Variants in BMPER observed in about 807,000 individuals in gnomAD.
The protein encoded by BMPER is BMP-binding endothelial regulator protein.
BMPER carries 45 observed loss-of-function variants against 87.3 expected under a neutral mutation model. The observed-to-expected ratio is 0.52, with a 90% CI of 0.41 to 0.66. BMPER has a LOEUF of 0.66. BMPER is among the 30% of genes least tolerant of loss of function. The pLI, the probability that BMPER is intolerant of heterozygous loss-of-function variation, is 0.00. For synonymous variants in BMPER, 326 were observed against 316.2 expected, an observed-to-expected ratio of 1.03 and a Z score of -0.33; for missense variants, 784 against 867.5, an observed-to-expected ratio of 0.90 and a Z score of 1.21.
chr7:34,055,087 T>G, intron 8 of BMPER, 76 bp from the exon 9 acceptor site: 1 of 1,596,576 alleles, frequency 6.3e-7, no homozygotes, highest in South Asian at 1.1e-5. Flanking sequence ...TTATGAGTTA[T>G]GAAAGGAAGG....
intron 2 of BMPER, among the ~76,000 whole-genome samples, chr7:33,921,087 C>CT (rs1784219190): frequency 1.3e-5 from 2 of 152,144 alleles, no homozygotes; most frequent in African/African-American, 4.8e-5. Context: ...ATATTGGTTA[C>CT]TTTTTTATTA....
intron 7 of BMPER, among the ~76,000 whole-genome samples, chr7:34,047,846 T>G (rs1432027910): frequency 2.4e-5 from 1 of 40,910 alleles, no homozygotes; most frequent in Non-Finnish European, 4.6e-5. Context: ...TTTCTTTCTC[T>G]TTCTATCATT....
chr7:33,961,404 T>C (rs369964030), intron 3 of BMPER, among the ~76,000 whole-genome samples: 1 of 152,212 alleles, frequency 6.6e-6, no homozygotes, highest in African/African-American at 2.4e-5. Context: ...CTATGCACCA[T>C]TGGTCATTGT....
chr7:34,113,426 T>C (rs1790032150), intron 13 of BMPER, among the ~76,000 whole-genome samples: 1 of 151,938 alleles, frequency 6.6e-6, no homozygotes, highest in Admixed American at 6.6e-5. Flanking sequence ...CTAGATTAAA[T>C]AAAAAATACA....
At chr7:33,932,804 GAAAAA>G (rs377548823) in intron 2 of BMPER, among the ~76,000 whole-genome samples, 2 of 149,638 alleles carry the variant, frequency 1.3e-5, no homozygotes, top group Non-Finnish European at 3.0e-5. Flanking sequence ...AAGAATCTTT[GAAAAA>G]AAAAATACGT....
intron 13 of BMPER, among the ~76,000 whole-genome samples, chr7:34,099,567 T>C (rs1392377114): frequency 6.6e-6 from 1 of 152,222 alleles, no homozygotes; most frequent in East Asian, 1.9e-4. Flanking sequence ...ATCCGCCTTT[T>C]AAGGAGAAAT....
chr7:34,108,814 C>T (rs1339838931), intron 13 of BMPER, among the ~76,000 whole-genome samples: 1 of 152,156 alleles, frequency 6.6e-6, no homozygotes, highest in Non-Finnish European at 1.5e-5. Context: ...TTGAATGTTC[C>T]TAAACATTAA....
chr7:34,041,142 G>A (rs770045986), intron 6 of BMPER, among the ~76,000 whole-genome samples: 24 of 152,164 alleles, frequency 1.6e-4, no homozygotes, highest in Non-Finnish European at 2.9e-4. Context: ...CAGCTTGGAT[G>A]TTAGAACTAA....
At chr7:33,949,261 A>G (rs1784963016) in intron 3 of BMPER, among the ~76,000 whole-genome samples, 2 of 152,142 alleles carry the variant, frequency 1.3e-5, no homozygotes, top group African/African-American at 4.8e-5. Context: ...GGCTGCATAC[A>G]ATATCTTAAA....
intron 14 of BMPER, among the ~76,000 whole-genome samples, chr7:34,148,920 G>A (rs78709343): frequency 3.9e-4 from 59 of 152,144 alleles, no homozygotes; most frequent in African/African-American, 1.4e-3. Context: ...GTTGAAAGAG[G>A]GCAAGGTGAG....
At chr7:34,081,695 C>T (rs1299985869) in intron 12 of BMPER, among the ~76,000 whole-genome samples, 1 of 152,236 alleles carries the variant, frequency 6.6e-6, no homozygotes, top group Non-Finnish European at 1.5e-5. Flanking sequence ...TACATCACAT[C>T]TACCTGAAAG....
chr7:34,000,053 AT>A (rs1174714085), intron 6 of BMPER, among the ~76,000 whole-genome samples: 1 of 152,212 alleles, frequency 6.6e-6, no homozygotes, highest in African/African-American at 2.4e-5. Context: ...CTACTAAAAA[AT>A]GGCCCATCTG....
At chr7:34,028,597 TTC>T (rs1364104820) in intron 6 of BMPER, among the ~76,000 whole-genome samples, 3 of 142,396 alleles carry the variant, frequency 2.1e-5, no homozygotes, top group Non-Finnish European at 4.5e-5. Context: ...AAATCATTTT[TTC>T]TGTTTTTTTT....
intron 14 of BMPER, among the ~76,000 whole-genome samples, chr7:34,147,002 C>G (rs188767778): frequency 6.6e-6 from 1 of 152,176 alleles, no homozygotes; most frequent in Admixed American, 6.5e-5. Context: ...AGCAGAATGT[C>G]TGCCACCTGC....
intron 2 of BMPER, among the ~76,000 whole-genome samples, chr7:33,917,549 A>T (rs1043194282): frequency 1.3e-5 from 2 of 152,122 alleles, no homozygotes; most frequent in African/African-American, 4.8e-5. Flanking sequence ...GATGGGTGGC[A>T]TCTTCACTGA....
At chr7:34,151,008 G>T in intron 14 of BMPER, among the ~76,000 whole-genome samples, 1 of 152,150 alleles carries the variant, frequency 6.6e-6, no homozygotes, top group East Asian at 1.9e-4. Flanking sequence ...CAGTTGGAAA[G>T]GTTGGGAACT....
At chr7:34,114,035 C>T (rs571135422) in intron 13 of BMPER, among the ~76,000 whole-genome samples, 1 of 152,174 alleles carries the variant, frequency 6.6e-6, no homozygotes, top group Non-Finnish European at 1.5e-5. Context: ...TGCCTTTCTG[C>T]TTTTAATCTA....
At chr7:34,004,672 G>A (rs530320063) in intron 6 of BMPER, among the ~76,000 whole-genome samples, 7 of 152,196 alleles carry the variant, frequency 4.6e-5, no homozygotes, top group African/African-American at 1.2e-4. Flanking sequence ...GACTCTGCTC[G>A]GTTAGTTCAA....
intron 9 of BMPER, 44 bp downstream of exon 9, chr7:34,055,347 C>T (rs1788255342): frequency 6.2e-7 from 1 of 1,612,052 alleles, no homozygotes; most frequent in Non-Finnish European, 8.5e-7. Context: ...TATTACTACG[C>T]TGACAATTAA....
Sources: gnomAD v4.1 joint callset for allele counts (sites outside exome capture counted in the v4.1 genomes callset) on GRCh38, gnomAD v4.1.1 for gene constraint, MANE v1.5 for transcripts, NCBI Gene and HGNC (gene_info 2026-07-23, HGNC 2026-07-21) for gene names.